Variants in LUZP2 observed in about 807,000 individuals in gnomAD.
LUZP2 encodes the protein leucine zipper protein 2.
A neutral mutation model predicts 51.6 loss-of-function variants in LUZP2; 52 were observed. The observed-to-expected ratio is 1.01, with a 90% CI of 0.81 to 1.27. LUZP2 has a LOEUF of 1.27. Ranked by LOEUF, LUZP2 falls within the 50% of genes most tolerant of loss-of-function variation. The pLI, the probability that LUZP2 is intolerant of heterozygous loss-of-function variation, is 0.00. For synonymous variants in LUZP2, 154 were observed against 137.3 expected (o/e 1.12, Z -0.85); for missense variants, 436 against 395.4 (o/e 1.10, Z -0.87).
chr11:25,040,818 C>G (rs1476208373), intron 9 of LUZP2, among the ~76,000 whole-genome samples: 1 of 152,168 alleles, frequency 6.6e-6, no homozygotes, highest in Non-Finnish European at 1.5e-5. Flanking sequence ...GTCAGTTAAA[C>G]AAAATGACTA....
chr11:24,664,311 G>A (rs1026242957), intron 1 of LUZP2, among the ~76,000 whole-genome samples: 4 of 152,160 alleles, frequency 2.6e-5, no homozygotes, highest in East Asian at 1.9e-4. Flanking sequence ...AGACGATTTA[G>A]GGTATCATGT....
intron 5 of LUZP2, among the ~76,000 whole-genome samples, chr11:24,775,975 G>T (rs927125358): frequency 1.3e-5 from 2 of 152,124 alleles, no homozygotes; most frequent in Admixed American, 6.5e-5. Flanking sequence ...ATTGGGTTCT[G>T]AGTTAAAATT....
intron 5 of LUZP2, among the ~76,000 whole-genome samples, chr11:24,812,623 A>G (rs529896231): frequency 6.6e-6 from 1 of 152,330 alleles, no homozygotes; most frequent in African/African-American, 2.4e-5. Flanking sequence ...AGCTATTTAA[A>G]TGTCTCAGAA....
intron 1 of LUZP2, among the ~76,000 whole-genome samples, chr11:24,521,337 C>T (rs141769937): frequency 0.014 from 1,378 of 100,226 alleles, 18 homozygotes; most frequent in African/African-American, 0.055. Context: ...TGTGACAGAG[C>T]GAGACTCCAT....
In LUZP2 at chr11:24,498,187, TC is replaced by T. The variant is rs544839708; in HGVS notation, c.62+883del. On this transcript the variant is annotated intron_variant, in intron 1 of 11. Coordinates refer to ENST00000336930, the MANE Select transcript of LUZP2 (RefSeq NM_001009909.4). ...GTCTTTATTCTGCATGCCCTTAGCA[TC>T]ATATTGGCAGCAACCTCTTTCCCTT... 8.5e-5 allele frequency among the ~76,000 whole-genome samples: 13 copies of T among 152,292 alleles called. No individual in the cohort carries two copies. The East Asian group carries it at 2.5e-3, about 29-fold the overall frequency.
chr11:24,676,320 G>C (rs112011272), intron 1 of LUZP2, among the ~76,000 whole-genome samples: 1 of 151,934 alleles, frequency 6.6e-6, no homozygotes, highest in South Asian at 2.1e-4. Flanking sequence ...ATGTAGCTTC[G>C]GAAAAATCAA....
At chr11:24,828,574 A>T (rs1305837616) in intron 5 of LUZP2, among the ~76,000 whole-genome samples, 1 of 150,368 alleles carries the variant, frequency 6.7e-6, no homozygotes, top group African/African-American at 2.5e-5. Flanking sequence ...AAAAAAAAAA[A>T]ACATATCTAC....
intron 7 of LUZP2, among the ~76,000 whole-genome samples, chr11:24,952,516 G>A (rs1429191348): frequency 6.6e-6 from 1 of 151,658 alleles, no homozygotes; most frequent in Non-Finnish European, 1.5e-5. Flanking sequence ...GGGAAGTGAG[G>A]CAGTTTACAG....
At chr11:24,591,824 A>G (rs1853272043) in intron 1 of LUZP2, among the ~76,000 whole-genome samples, 1 of 152,240 alleles carries the variant, frequency 6.6e-6, no homozygotes, top group Non-Finnish European at 1.5e-5. Flanking sequence ...GGCATTCAAT[A>G]AAATAAAAAG....
intron 9 of LUZP2, among the ~76,000 whole-genome samples, chr11:25,049,171 C>G (rs1295342256): frequency 6.6e-6 from 1 of 152,132 alleles, no homozygotes; most frequent in Non-Finnish European, 1.5e-5. Flanking sequence ...TTTTCCTCGA[C>G]CCCTAATGGA....
At chr11:24,899,061 C>A (rs1476202706) in intron 5 of LUZP2, among the ~76,000 whole-genome samples, 1 of 152,032 alleles carries the variant, frequency 6.6e-6, no homozygotes, top group Non-Finnish European at 1.5e-5. Flanking sequence ...AAACTAGATA[C>A]AGTGATGTAA....
chr11:24,725,140 A>G (rs1858427036), intron 1 of LUZP2, among the ~76,000 whole-genome samples: 1 of 152,182 alleles, frequency 6.6e-6, no homozygotes, highest in Admixed American at 6.5e-5. Context: ...AACAAAAGAG[A>G]ACATTTGCCA....
intron 1 of LUZP2, among the ~76,000 whole-genome samples, chr11:24,637,363 G>A (rs1403181182): frequency 1.3e-5 from 2 of 151,822 alleles, no homozygotes; most frequent in East Asian, 3.8e-4. Context: ...TGATGATTGA[G>A]TTAACTGTAC....
chr11:25,018,757 G>T (rs1477899238), intron 9 of LUZP2, among the ~76,000 whole-genome samples: 1 of 151,816 alleles, frequency 6.6e-6, no homozygotes, highest in South Asian at 2.1e-4. Flanking sequence ...ACAGGTGCAT[G>T]CCACCATGCC....
At chr11:24,607,080 A>G (rs766159346) in intron 1 of LUZP2, among the ~76,000 whole-genome samples, 2 of 151,764 alleles carry the variant, frequency 1.3e-5, no homozygotes, top group Admixed American at 6.6e-5. Flanking sequence ...TTTGTATTCT[A>G]TAGGCTTCCA....
At chr11:25,046,509 A>T (rs1029726798) in intron 9 of LUZP2, among the ~76,000 whole-genome samples, 1 of 152,148 alleles carries the variant, frequency 6.6e-6, no homozygotes, top group African/African-American at 2.4e-5. Context: ...AATCCTAAAA[A>T]AATCATAAAT....
In LUZP2 at chr11:24,916,382, ATGTG is replaced by A. The variant is rs1853790003; in HGVS notation, c.522+1845_522+1848del. Among the ~76,000 whole-genome samples, 3 of 151,932 alleles carry A rather than the reference ATGTG, an allele frequency of 2.0e-5. No homozygotes were observed. The East Asian group carries it at 5.8e-4, about 29-fold the overall frequency. The stretch of plus-strand genomic sequence containing the variant: ...TTAAGTTCTAGGGTACATGTTCACA[ATGTG>A]CAAGTTTGTTACTATGTATACATGT... On this transcript the variant is annotated intron_variant, in intron 7 of 11. Transcript: ENST00000336930.
intron 1 of LUZP2, among the ~76,000 whole-genome samples, chr11:24,576,926 G>T (rs1407212041): frequency 6.6e-6 from 1 of 151,884 alleles, no homozygotes; most frequent in Non-Finnish European, 1.5e-5. Flanking sequence ...AATAAATATA[G>T]TAATTTTTTA....
chr11:25,077,358 A>G lies in LUZP2; in HGVS notation c.888A>G (p.Lys296=). ...GCAGACCGTGTTCCATGAAGCACAAAGAAAGTCCCCCAAGTAATGCCACTG... is the reference window on the plus strand; with the variant it reads ...GCAGACCGTGTTCCATGAAGCACAAGGAAAGTCCCCCAAGTAATGCCACTG... ...DEGRPCSMKH[K]ESPPSNATAE... is the part of the protein sequence containing the mutation. Residue 296 remains lysine (K), a synonymous_variant, in exon 11 of 12, where the codon AAA becomes AAG. Transcript: ENST00000336930. The G allele has an allele frequency of 6.2e-7, 1 of 1,613,250 alleles. No individual in the cohort carries two copies. Among genetic ancestry groups the G allele is most frequent in the Non-Finnish European group, 8.5e-7 (1 of 1,179,390 alleles).
Sources: gnomAD v4.1 joint callset for allele counts (sites outside exome capture counted in the v4.1 genomes callset) on GRCh38, gnomAD v4.1.1 for gene constraint, MANE v1.5 for transcripts, NCBI Gene and HGNC (gene_info 2026-07-23, HGNC 2026-07-21) for gene names.